Variants in MAP3K20 observed in about 807,000 individuals in gnomAD.
MAP3K20 encodes HCCS-4.
Under a neutral mutation model 85.7 loss-of-function variants are expected in MAP3K20, and 40 were observed. The observed-to-expected ratio is 0.47, with a 90% CI of 0.36 to 0.61. MAP3K20 has a LOEUF of 0.61. Ranked by LOEUF, MAP3K20 falls within the 20% of genes least tolerant of loss-of-function variation. The pLI is 0.00. For missense variants in MAP3K20, 817 were observed against 961.7 expected, an observed-to-expected ratio of 0.85 and a Z score of 1.99; for synonymous variants, 325 against 327.7, an observed-to-expected ratio of 0.99 and a Z score of 0.09.
At chr2:173,171,174 T>TA (rs1293512176) in intron 3 of MAP3K20, among the ~76,000 whole-genome samples, 2 of 152,202 alleles carry the variant, frequency 1.3e-5, no homozygotes, top group African/African-American at 4.8e-5. Flanking sequence ...GGGGGAACCA[T>TA]ACCTCACATT....
chr2:173,169,182 T>C (rs886917708), intron 2 of MAP3K20, among the ~76,000 whole-genome samples: 2 of 152,114 alleles, frequency 1.3e-5, no homozygotes, highest in Non-Finnish European at 2.9e-5. Flanking sequence ...TTTTGCAAAA[T>C]ATATATATTG....
chr2:173,123,918 T>A (rs550994491), intron 2 of MAP3K20, among the ~76,000 whole-genome samples: 1 of 152,338 alleles, frequency 6.6e-6, no homozygotes, highest in Admixed American at 6.5e-5. Context: ...TTTTGGTAGA[T>A]GCTTCATTGC....
chr2:173,212,059 G>C (rs1683915662), intron 10 of MAP3K20: 1 of 152,166 alleles, frequency 6.6e-6, no homozygotes, highest in Non-Finnish European at 1.5e-5. Flanking sequence ...AATATTTGGG[G>C]AAGCAAGAGA....
intron 2 of MAP3K20, among the ~76,000 whole-genome samples, chr2:173,155,677 A>AT (rs745975568): frequency 6.6e-5 from 10 of 152,126 alleles, no homozygotes; most frequent in South Asian, 2.1e-4. Context: ...TAATTATTGG[A>AT]TTTTTTTCCA....
At chr2:173,149,153 C>T (rs1689223262) in intron 2 of MAP3K20, among the ~76,000 whole-genome samples, 1 of 152,200 alleles carries the variant, frequency 6.6e-6, no homozygotes, top group African/African-American at 2.4e-5. Context: ...TTTCCTGGTG[C>T]TTTACATGGA....
At chr2:173,242,952 G>A (rs911939968) in intron 16 of MAP3K20, among the ~76,000 whole-genome samples, 21 of 151,782 alleles carry the variant, frequency 1.4e-4, no homozygotes, top group East Asian at 9.7e-4. Context: ...TGATCCACCC[G>A]GCTCGACCTC....
intron 2 of MAP3K20, among the ~76,000 whole-genome samples, chr2:173,104,635 T>TG (rs1053469249): frequency 7.2e-5 from 11 of 152,132 alleles, no homozygotes; most frequent in African/African-American, 2.4e-4. Context: ...CATGTTAACA[T>TG]GGGGGGAAAA....
At position 173,087,396 on chromosome 2, in the gene MAP3K20, G is replaced by A. The variant is rs1056951037; in HGVS notation, c.-34-3602G>A. On this transcript the variant is annotated intron_variant, in intron 1 of 19. Coordinates refer to ENST00000375213, the MANE Select transcript of MAP3K20 (RefSeq NM_016653.3). Reference sequence around the variant, plus strand: ...GAGAGGTCAGTGTATATTGGGAAGTGCAGGCAGTTCCTCGTGTGTGTATGG... The same window carrying A: ...GAGAGGTCAGTGTATATTGGGAAGTACAGGCAGTTCCTCGTGTGTGTATGG... Among the ~76,000 whole-genome samples, 23 of 152,224 alleles carry A rather than the reference G, an allele frequency of 1.5e-4. 1 individual carries two copies. Among genetic ancestry groups the A allele is most frequent in the Non-Finnish European group, 2.9e-5 (2 of 68,034 alleles).
chr2:173,149,458 T>G (rs1374415272), intron 2 of MAP3K20, among the ~76,000 whole-genome samples: 2 of 151,934 alleles, frequency 1.3e-5, no homozygotes, highest in African/African-American at 2.4e-5. Context: ...ATGGGAACAC[T>G]CCTATATTTT....
At chr2:173,203,742 A>G in intron 8 of MAP3K20, 54 bp from the exon 9 acceptor site, 8 of 1,376,232 alleles carry the variant, frequency 5.8e-6, no homozygotes, top group Non-Finnish European at 7.2e-6. Context: ...GTTTGCTGAC[A>G]TTAATGAATA....
At chr2:173,081,430 C>T (rs1036603039) in intron 1 of MAP3K20, among the ~76,000 whole-genome samples, 5 of 152,082 alleles carry the variant, frequency 3.3e-5, no homozygotes, top group Non-Finnish European at 5.9e-5. Flanking sequence ...AATAAGCACA[C>T]GAGGAACATG....
chr2:173,250,717 A>G (rs1685022816), intron 16 of MAP3K20, among the ~76,000 whole-genome samples: 1 of 152,188 alleles, frequency 6.6e-6, no homozygotes, highest in African/African-American at 2.4e-5. Context: ...TTTGCTGAAG[A>G]GATTAAAACA....
intron 2 of MAP3K20, among the ~76,000 whole-genome samples, chr2:173,107,531 C>G (rs547647871): frequency 6.6e-6 from 1 of 152,158 alleles, no homozygotes; most frequent in African/African-American, 2.4e-5. Context: ...CAGGACTCGC[C>G]TATTTACATG....
chr2:173,200,408 C>T (rs1691010326), intron 8 of MAP3K20, among the ~76,000 whole-genome samples: 1 of 152,100 alleles, frequency 6.6e-6, no homozygotes, highest in Non-Finnish European at 1.5e-5. Context: ...AATTCTTTTA[C>T]TGTATTTTTA....
intron 7 of MAP3K20, among the ~76,000 whole-genome samples, chr2:173,193,552 T>C (rs142673042): frequency 1.3e-5 from 2 of 152,312 alleles, no homozygotes; most frequent in Non-Finnish European, 2.9e-5. Context: ...TTAGTACCAG[T>C]AGCCAAGCAC....
Position 173,223,811 on chromosome 2 carries a change from G to A in MAP3K20, c.988-5878G>A, listed in dbSNP as rs1477898150. ...CCTGTCTGTGCTCAGACATAGAGAA[G>A]TACTACCTGACTTGAGTCAATGCAC... On this transcript the variant is annotated intron_variant, in intron 11 of 19. Coordinates refer to ENST00000375213, the MANE Select transcript of MAP3K20 (RefSeq NM_016653.3). 3.0e-6 allele frequency: 3 copies of A among 985,320 alleles called. No individual in the cohort carries two copies. The African/African-American group carries it at 5.2e-5, about 17-fold the overall frequency. The allele number at this position is 985,320 out of a possible 1,614,324, so 61.0% of individuals were successfully genotyped here. A position where few individuals can be genotyped will look rare whatever the true frequency, so the allele number is the denominator to read the frequency against.
intron 16 of MAP3K20, among the ~76,000 whole-genome samples, chr2:173,258,362 T>C (rs575850306): frequency 6.6e-6 from 1 of 152,308 alleles, no homozygotes; most frequent in East Asian, 1.9e-4. Flanking sequence ...GTAAATTAAA[T>C]GGGTCTATTT....
At chr2:173,226,484 C>T (rs1684392016) in intron 11 of MAP3K20, 2 of 985,708 alleles carry the variant, frequency 2.0e-6, no homozygotes, top group Non-Finnish European at 2.4e-6. Flanking sequence ...TGTTAAGCAT[C>T]GCCAGACATA....
intron 2 of MAP3K20, among the ~76,000 whole-genome samples, chr2:173,149,664 A>T (rs1689243661): frequency 1.3e-5 from 2 of 152,092 alleles, no homozygotes; most frequent in African/African-American, 4.8e-5. Flanking sequence ...TTGCATTCTT[A>T]CCTGAGTGCT....
Sources: gnomAD v4.1 joint callset for allele counts (sites outside exome capture counted in the v4.1 genomes callset) on GRCh38, gnomAD v4.1.1 for gene constraint, MANE v1.5 for transcripts, NCBI Gene and HGNC (gene_info 2026-07-23, HGNC 2026-07-21) for gene names.